The following TNFSF8 variants were observed in gnomAD, a reference collection of about 807,000 sequenced individuals.
TNFSF8 encodes tumor necrosis factor ligand superfamily member 8.
In TNFSF8, 4 loss-of-function variants were observed where a neutral mutation model predicts 22.0. The ratio of observed to expected loss-of-function variants is 0.18; its 90% CI spans 0.09 to 0.42. TNFSF8 has a LOEUF of 0.42. Among genes scored for constraint, TNFSF8 ranks in the 10% least tolerant of loss-of-function variants. The pLI is 1.00. For missense variants in TNFSF8, 233 were observed against 281.8 expected (o/e 0.83, Z 1.24); for synonymous variants, 106 against 112.5 (o/e 0.94, Z 0.37).
At position 114,902,907 on chromosome 9, in the gene TNFSF8, A is replaced by G. The variant is rs3181374; in HGVS notation, c.*1024T>C. 0.5 allele frequency: 150,854 copies of G among 303,826 alleles called. 40,418 individuals are homozygous for G. The highest frequency in any genetic ancestry group is 0.76 in the African/African-American group (33,548 of 44,172). 18.8% of individuals were successfully genotyped at this position (303,826 alleles called of 1,614,324 possible). A position where few individuals can be genotyped will look rare whatever the true frequency, so the allele number is the denominator to read the frequency against. Reference sequence around the variant, plus strand: ...GTATACAAGTTTAATTTCTCATACCAGAAGCCGGGCTTAGTCACCCTTGAT... The same window carrying G: ...GTATACAAGTTTAATTTCTCATACCGGAAGCCGGGCTTAGTCACCCTTGAT... On this transcript the variant is annotated 3_prime_UTR_variant, in exon 4 of 4. Coordinates refer to ENST00000223795, the MANE Select transcript of TNFSF8 (RefSeq NM_001244.4).
At chr9:114,928,517 T>C (rs1828091663) in intron 1 of TNFSF8, among the ~76,000 whole-genome samples, 1 of 152,194 alleles carries the variant, frequency 6.6e-6, no homozygotes, top group Non-Finnish European at 1.5e-5. Context: ...CACCCATTTT[T>C]CCACCATCTC....
intron 1 of TNFSF8, among the ~76,000 whole-genome samples, chr9:114,918,845 C>T (rs1827951717): frequency 6.6e-6 from 1 of 152,174 alleles, no homozygotes; most frequent in African/African-American, 2.4e-5. Flanking sequence ...GTGGTCCACC[C>T]GCCTCAGCCT....
exon 5 of TNFSF8, chr9:114,894,141 G>A: frequency 6.5e-7 from 1 of 1,535,154 alleles, no homozygotes; most frequent in Non-Finnish European, 8.7e-7. Flanking sequence ...GAGTGTGAAT[G>A]GTGGAGGATC....
chr9:114,925,946 C>T (rs911788889), intron 1 of TNFSF8, among the ~76,000 whole-genome samples: 5 of 152,058 alleles, frequency 3.3e-5, no homozygotes, highest in African/African-American at 9.7e-5. Flanking sequence ...ATCTCATTGT[C>T]TATCTCATTA....
At chr9:114,910,885 G>C (rs1827844726) in intron 2 of TNFSF8, among the ~76,000 whole-genome samples, 1 of 152,288 alleles carries the variant, frequency 6.6e-6, no homozygotes, top group South Asian at 2.1e-4. Flanking sequence ...CCTGAATTCT[G>C]GTCATAGCTT....
chr9:114,925,766 C>G (rs774445858), intron 1 of TNFSF8, among the ~76,000 whole-genome samples: 1 of 151,946 alleles, frequency 6.6e-6, no homozygotes, highest in Non-Finnish European at 1.5e-5. Flanking sequence ...GAAAGCCTAC[C>G]GATTGTGAAC....
At chr9:114,921,493 C>G (rs565580700) in intron 1 of TNFSF8, among the ~76,000 whole-genome samples, 1 of 152,182 alleles carries the variant, frequency 6.6e-6, no homozygotes, top group Admixed American at 6.5e-5. Flanking sequence ...GAGCTCATTC[C>G]TCCCTCCTCC....
chr9:114,906,308 T>C (rs1274482722), intron 2 of TNFSF8, among the ~76,000 whole-genome samples: 1 of 152,234 alleles, frequency 6.6e-6, no homozygotes, highest in Non-Finnish European at 1.5e-5. Flanking sequence ...AAATACATTG[T>C]TTCGTGGTGC....
At chr9:114,912,793 C>T (rs982947100) in intron 2 of TNFSF8, among the ~76,000 whole-genome samples, 6 of 152,210 alleles carry the variant, frequency 3.9e-5, no homozygotes, top group Non-Finnish European at 7.3e-5. Context: ...CAAGGTGCAG[C>T]TTTTATTGTT....
rs546767880 is a variant in TNFSF8, at chr9:114,912,096, G to A, written c.238+6000C>T. Among the ~76,000 whole-genome samples the A allele has an allele frequency of 1.5e-3, 228 of 152,286 alleles. 8 individuals carry two copies. In the South Asian group the frequency reaches 0.044, roughly 29 times the overall value. ...AGACAGACTTATGTTCAAATTCCAC[G>A]TCTGCCATTACTAGCTGTGTGGCTT... On this transcript the variant is annotated intron_variant, in intron 2 of 3. Coordinates refer to ENST00000223795, the MANE Select transcript of TNFSF8 (RefSeq NM_001244.4).
Position 114,902,837 on chromosome 9 carries a change from G to T in TNFSF8, c.*1094C>A. On this transcript the variant is annotated 3_prime_UTR_variant, in exon 4 of 4. Transcript: ENST00000223795. ...GATCCTGAGTTCCAGGGAGGGGAAG[G>T]TATAGTGAATTCTTATAATTTTATG... 1.2e-6 allele frequency: 1 copy of T among 816,326 alleles called. No individual in the cohort carries two copies. The highest frequency in any genetic ancestry group is 5.6e-5 in the South Asian group (1 of 17,882). 50.6% of individuals were successfully genotyped at this position (816,326 alleles called of 1,614,324 possible). A position where few individuals can be genotyped will look rare whatever the true frequency, so the allele number is the denominator to read the frequency against.
In TNFSF8 at chr9:114,905,879, A is replaced by C; in HGVS notation, c.259T>G (p.Leu87Val). ...LKGGNCSEDL[L>V]CILKRAPFKK... Reference sequence around the variant, plus strand: ...AATGGAGCCCTTTTCAGGATACATAAGAGGTCTTCTGAGCAATTTCCTAAA... The same window carrying C: ...AATGGAGCCCTTTTCAGGATACATACGAGGTCTTCTGAGCAATTTCCTAAA... Residue 87 changes from leucine to valine, a missense_variant, in exon 3 of 4, where the codon TTA (leucine) becomes GTA (valine). Transcript: ENST00000223795. 6.2e-7 allele frequency: 1 copy of C among 1,612,454 alleles called. No homozygotes were observed. The highest frequency in any genetic ancestry group is 1.1e-5 in the South Asian group (1 of 91,030).
chr9:114,894,033 A>T (rs1827631581), exon 5 of TNFSF8: 1 of 1,467,076 alleles, frequency 6.8e-7, no homozygotes, highest in Admixed American at 2.0e-5. Flanking sequence ...AGTGACAGTG[A>T]CCCAGGGTAG....
At chr9:114,909,642 C>T (rs1726528380) in intron 2 of TNFSF8, among the ~76,000 whole-genome samples, 2 of 152,326 alleles carry the variant, frequency 1.3e-5, no homozygotes, top group South Asian at 4.1e-4. Flanking sequence ...ATAGACTCAG[C>T]CATCCCCTAT....
In TNFSF8 at chr9:114,902,639, G is replaced by T. The variant is rs1050043907; in HGVS notation, c.*1292C>A. On this transcript the variant is annotated 3_prime_UTR_variant, in exon 4 of 4. Transcript: ENST00000223795. ...CCATATTCTGGCTCTGCTGAGATGA[G>T]ATGCAGTCAGGTGTTACTAGTGTCT... 1.0e-6 allele frequency: 1 copy of T among 985,366 alleles called. No individual in the cohort carries two copies. Among genetic ancestry groups the T allele is most frequent in the East Asian group, 1.1e-4 (1 of 8,786 alleles). The allele number at this position is 985,366 out of a possible 1,614,324, so 61.0% of individuals were successfully genotyped here.
intron 4 of TNFSF8, among the ~76,000 whole-genome samples, chr9:114,894,715 C>T (rs1385269114): frequency 6.6e-6 from 1 of 152,144 alleles, no homozygotes. Flanking sequence ...GGCAAGCAAG[C>T]GTTCAGTAAG....
At chr9:114,904,533 T>C (rs528993883) in intron 3 of TNFSF8, among the ~76,000 whole-genome samples, 2 of 152,318 alleles carry the variant, frequency 1.3e-5, no homozygotes, top group East Asian at 1.9e-4. Context: ...TTTTCTTCAA[T>C]GCTGAAAGCT....
chr9:114,893,904 G>A (rs945235557), exon 5 of TNFSF8: 2 of 569,762 alleles, frequency 3.5e-6, no homozygotes, highest in Non-Finnish European at 3.1e-6. Context: ...ATTGGGCCAC[G>A]ATTCCAAATC....
chr9:114,896,459 T>A (rs1026341633), downstream of TNFSF8, among the ~76,000 whole-genome samples: 2 of 152,236 alleles, frequency 1.3e-5, no homozygotes, highest in Non-Finnish European at 2.9e-5. Flanking sequence ...TGATTTAAAC[T>A]TTCTAGTGTA....
Sources: allele counts gnomAD v4.1 joint callset (sites outside exome capture counted in the v4.1 genomes callset), GRCh38; gene constraint gnomAD v4.1.1; transcripts MANE v1.5; gene names NCBI Gene and HGNC (gene_info 2026-07-23, HGNC 2026-07-21).